Variants in BMPR1B observed in about 807,000 individuals in gnomAD.
BMPR1B encodes bone morphogenetic protein receptor type-1B.
A neutral mutation model predicts 59.1 loss-of-function variants in BMPR1B; 12 were observed. The observed-to-expected ratio is 0.20, with a 90% CI of 0.13 to 0.33. The LOEUF (loss-of-function observed/expected upper bound fraction) is 0.33. Ranked by LOEUF, BMPR1B falls within the 10% of genes least tolerant of loss-of-function variation. BMPR1B has a pLI of 1.00. For missense variants in BMPR1B, 550 were observed against 610.9 expected, an observed-to-expected ratio of 0.90 and a Z score of 1.05; for synonymous variants, 237 against 207.3, an observed-to-expected ratio of 1.14 and a Z score of -1.23.
intron 2 of BMPR1B, among the ~76,000 whole-genome samples, chr4:94,916,690 G>T (rs1236469552): frequency 2.0e-5 from 3 of 152,216 alleles, no homozygotes; most frequent in Non-Finnish European, 2.9e-5. Context: ...GCTTAGCCAT[G>T]TAGCAGAGAA....
At chr4:94,986,950 A>G (rs1214412571) in intron 2 of BMPR1B, among the ~76,000 whole-genome samples, 1 of 151,032 alleles carries the variant, frequency 6.6e-6, no homozygotes, top group East Asian at 1.9e-4. Flanking sequence ...CTGAGGCAGG[A>G]GAATGGCGTG....
At chr4:94,941,899 G>T (rs1331319849) in intron 2 of BMPR1B, among the ~76,000 whole-genome samples, 1 of 152,178 alleles carries the variant, frequency 6.6e-6, no homozygotes, top group African/African-American at 2.4e-5. Context: ...TCTCCAACAG[G>T]TGTTCTGCCA....
intron 1 of BMPR1B, among the ~76,000 whole-genome samples, chr4:94,860,932 G>A (rs1725954742): frequency 7.2e-6 from 1 of 139,000 alleles, no homozygotes; most frequent in Non-Finnish European, 1.5e-5. Context: ...CTTTTGCCTG[G>A]GTCTTGAGAG....
At chr4:95,084,705 A>T (rs1010202818) in intron 3 of BMPR1B, among the ~76,000 whole-genome samples, 2 of 152,210 alleles carry the variant, frequency 1.3e-5, no homozygotes, top group Admixed American at 1.3e-4. Context: ...GTGTTGACAC[A>T]GGGACACTTC....
chr4:94,783,600 T>G (rs1202068839), intron 1 of BMPR1B, among the ~76,000 whole-genome samples: 1 of 152,196 alleles, frequency 6.6e-6, no homozygotes, highest in African/African-American at 2.4e-5. Flanking sequence ...CTGTTTCTCT[T>G]GGAGTGACAC....
chr4:95,112,781 G>A (rs1395942293), intron 4 of BMPR1B, among the ~76,000 whole-genome samples: 1 of 151,920 alleles, frequency 6.6e-6, no homozygotes, highest in Admixed American at 6.6e-5. Context: ...AATTTCCTAG[G>A]ACATCATAGC....
At chr4:94,912,230 T>G (rs1357716339) in intron 2 of BMPR1B, among the ~76,000 whole-genome samples, 1 of 152,100 alleles carries the variant, frequency 6.6e-6, no homozygotes, top group Non-Finnish European at 1.5e-5. Context: ...GGGAGTACAA[T>G]TCAAGATGAG....
chr4:95,098,892 A>G (rs996864722), intron 3 of BMPR1B, among the ~76,000 whole-genome samples: 2 of 151,876 alleles, frequency 1.3e-5, no homozygotes, highest in African/African-American at 2.4e-5. Context: ...AATTTTTTGT[A>G]TTTTTAGTAG....
intron 3 of BMPR1B, among the ~76,000 whole-genome samples, chr4:95,085,360 G>A (rs1028260054): frequency 6.6e-6 from 1 of 152,110 alleles, no homozygotes; most frequent in African/African-American, 2.4e-5. Flanking sequence ...AGTCGAGAGA[G>A]GCAAACAGGA....
chr4:95,130,187 C>A, intron 9 of BMPR1B, 133 bp downstream of exon 9: 1 of 1,054,670 alleles, frequency 9.5e-7, no homozygotes, highest in Non-Finnish European at 1.4e-6. Flanking sequence ...GGCATGGGCC[C>A]AAGAACATCA....
At chr4:94,877,360 G>T (rs1019269584) in intron 2 of BMPR1B, among the ~76,000 whole-genome samples, 7 of 152,180 alleles carry the variant, frequency 4.6e-5, no homozygotes, top group Non-Finnish European at 8.8e-5. Flanking sequence ...AGTTGTTGAT[G>T]GGATCAGAAA....
chr4:95,069,508 C>T (rs1728110487), intron 3 of BMPR1B, among the ~76,000 whole-genome samples: 1 of 152,206 alleles, frequency 6.6e-6, no homozygotes, highest in Admixed American at 6.5e-5. Context: ...TCATCCTTCC[C>T]TTCTCAAAAC....
chr4:94,916,241 G>C (rs1728478873), intron 2 of BMPR1B, among the ~76,000 whole-genome samples: 1 of 152,184 alleles, frequency 6.6e-6, no homozygotes, highest in African/African-American at 2.4e-5. Flanking sequence ...CTTTGGAACT[G>C]GGTAAGGGGC....
chr4:95,070,440 A>G (rs1049901780), intron 3 of BMPR1B, among the ~76,000 whole-genome samples: 2 of 152,208 alleles, frequency 1.3e-5, no homozygotes, highest in African/African-American at 4.8e-5. Flanking sequence ...AGAATGCTGA[A>G]GAAAGAGCAG....
chr4:94,983,492 T>A (rs1039049821), intron 2 of BMPR1B, among the ~76,000 whole-genome samples: 3 of 152,158 alleles, frequency 2.0e-5, no homozygotes, highest in African/African-American at 7.2e-5. Context: ...TTACATGAAA[T>A]CACATTTAAA....
At chr4:94,885,725 T>C (rs748449773) in intron 2 of BMPR1B, among the ~76,000 whole-genome samples, 20 of 152,134 alleles carry the variant, frequency 1.3e-4, no homozygotes, top group Non-Finnish European at 2.5e-4. Flanking sequence ...ATATGTAATC[T>C]AAAGAGCTCA....
At chr4:94,778,932 T>G (rs1435344076) in intron 1 of BMPR1B, among the ~76,000 whole-genome samples, 2 of 152,174 alleles carry the variant, frequency 1.3e-5, no homozygotes, top group African/African-American at 2.4e-5. Context: ...ATGCTAATTT[T>G]TAGTTAAATG....
At chr4:95,105,225 T>C (rs952333053) in intron 4 of BMPR1B, among the ~76,000 whole-genome samples, 4 of 152,084 alleles carry the variant, frequency 2.6e-5, no homozygotes, top group African/African-American at 9.7e-5. Context: ...CTCCTTACGG[T>C]AAGGTCAACA....
rs1242675855 is a variant in BMPR1B at position 95,051,669 on chromosome 4, G to A, written c.-17-52739G>A. On this transcript the variant is annotated intron_variant, in intron 3 of 12. Transcript: ENST00000515059. ...AGGCAAGAAACAGGAGGCTTAAACAGGCAGGGCACATTGACTGCTCTGCTG... is the reference window on the plus strand; with the variant it reads ...AGGCAAGAAACAGGAGGCTTAAACAAGCAGGGCACATTGACTGCTCTGCTG... The A allele has an allele frequency of 3.3e-6, 5 of 1,531,454 alleles. No individual in the cohort carries two copies. The African/African-American group carries it at 5.5e-5, about 17-fold the overall frequency. 94.9% of individuals were successfully genotyped at this position (1,531,454 alleles called of 1,614,324 possible). A position where few individuals can be genotyped will look rare whatever the true frequency, so the allele number is the denominator to read the frequency against.
Sources: gnomAD v4.1 joint callset for allele counts (sites outside exome capture counted in the v4.1 genomes callset) on GRCh38, gnomAD v4.1.1 for gene constraint, MANE v1.5 for transcripts, NCBI Gene and HGNC (gene_info 2026-07-23, HGNC 2026-07-21) for gene names.